Variants in TKFC observed in about 807,000 individuals in gnomAD.
TKFC encodes the protein triokinase and FMN cyclase, also known as triokinase/FMN cyclase.
In TKFC, 46 loss-of-function variants were observed where a neutral mutation model predicts 61.0. That is an observed-to-expected ratio of 0.75 (90% CI 0.60 to 0.96). TKFC has a LOEUF of 0.96. Ranked by LOEUF, TKFC falls within the 50% of genes least tolerant of loss-of-function variation. The pLI, the probability that TKFC is intolerant of heterozygous loss-of-function variation, is 0.00. For synonymous variants in TKFC, 314 were observed against 330.1 expected, an observed-to-expected ratio of 0.95 and a Z score of 0.53; for missense variants, 715 against 777.5, an observed-to-expected ratio of 0.92 and a Z score of 0.96.
At position 61,334,620 on chromosome 11, in the gene TKFC, G is replaced by GTGC. The variant is rs1856525425; in HGVS notation, c.-99_-97dup. On this transcript the variant is annotated splice_region_variant and 5_prime_UTR_variant, in exon 2 of 18. Transcript: ENST00000394900. ...CTTGTATCGTTACCCACTCCTGCAG[G>GTGC]TGCTGCTGCTGCCTCCACTGTACTC... The GTGC allele has an allele frequency of 2.8e-6, 4 of 1,451,856 alleles. No homozygotes were observed. Among genetic ancestry groups the GTGC allele is most frequent in the East Asian group, 2.3e-5 (1 of 43,136 alleles). The allele number at this position is 1,451,856 out of a possible 1,614,324, so 89.9% of individuals were successfully genotyped here.
chr11:61,346,884 A>G lies in TKFC; in HGVS notation c.*381A>G, dbSNP rs1857155044. ...GCACCTTAACCCCAGTGAGCGTGAA[A>G]AAGAAAGTTAATAAACTATAATACA... On this transcript the variant is annotated 3_prime_UTR_variant, in exon 18 of 18. Coordinates refer to ENST00000394900, the MANE Select transcript of TKFC (RefSeq NM_015533.4). The surrounding 1 kb of genome is among the most constrained non-coding windows in gnomAD (Gnocchi z 4.1). 2 of 1,008,032 alleles carry G rather than the reference A, an allele frequency of 2.0e-6. No homozygotes were observed. Among genetic ancestry groups the G allele is most frequent in the Admixed American group, 5.6e-5 (1 of 17,824 alleles). The allele number at this position is 1,008,032 out of a possible 1,614,324, so 62.4% of individuals were successfully genotyped here.
Position 61,348,316 on chromosome 11 carries a change from G to A in TKFC, c.*1813G>A. The A allele has an allele frequency of 1.0e-6, 1 of 976,094 alleles. No individual in the cohort carries two copies. Among genetic ancestry groups the A allele is most frequent in the South Asian group, 4.8e-5 (1 of 20,664 alleles). 60.5% of individuals were successfully genotyped at this position (976,094 alleles called of 1,614,324 possible). A position where few individuals can be genotyped will look rare whatever the true frequency, so the allele number is the denominator to read the frequency against. On this transcript the variant is annotated 3_prime_UTR_variant, in exon 18 of 18. Transcript: ENST00000394900. ...TTAAGGACACGCACATAAATGAGCT[G>A]CATGTGAATCCACACATGCCATTCC... is the stretch of plus-strand genomic sequence containing the variant.
Position 61,344,272 on chromosome 11 carries a change from A to C in TKFC, c.1239A>C (p.Arg413Ser). Residue 413 changes from arginine to serine, a missense_variant and splice_region_variant, in exon 13 of 18, where the codon AGA becomes AGC. By Grantham distance (110) the Arg-to-Ser change is moderately radical. Transcript: ENST00000394900. ...DCGTTHSRAA[R>S]AIQEWLKEGP... ...GCACCACCCACAGCCGTGCGGCCAG[A>C]GGTTGGTGCCAGGGACTTTGCCAAG... 6.2e-7 allele frequency: 1 copy of C among 1,611,724 alleles called. No individual in the cohort carries two copies. Among genetic ancestry groups the C allele is most frequent in the Admixed American group, 1.7e-5 (1 of 59,912 alleles).
chr11:61,342,619 A>T lies in TKFC; in HGVS notation c.736A>T (p.Thr246Ser). Residue 246 changes from threonine (T) to serine (S), a missense_variant, in exon 9 of 18, where the codon ACA becomes TCA. Transcript: ENST00000394900. ...EIVKLMLDHM[T>S]NTTNASHVPV... is the part of the protein sequence containing the mutation. The stretch of plus-strand genomic sequence containing the variant: ...TGTGAAACTCATGCTCGACCACATG[A>T]CAAACACCACCAACGCGTCCCATGT... The T allele has an allele frequency of 6.2e-7, 1 of 1,614,028 alleles. No individual in the cohort carries two copies. Among genetic ancestry groups the T allele is most frequent in the Non-Finnish European group, 8.5e-7 (1 of 1,180,004 alleles).
At chr11:61,334,589 C>A in intron 1 of TKFC, 31 bp from the exon 2 acceptor site, 1 of 1,112,308 alleles carries the variant, frequency 9.0e-7, no homozygotes, top group African/African-American at 1.5e-5. Flanking sequence ...CGAGTTCCTT[C>A]CGCAGCTTGT....
At chr11:61,351,284 C>CTTTTTTTTTTTTT (rs909648792), downstream of TKFC, 2 of 274,492 alleles carry the variant, frequency 7.3e-6, no homozygotes, top group Non-Finnish European at 1.2e-5. Context: ...AACACCCTTT[C>CTTTTTTTTTTTTT]TTTTTTTTTT....
chr11:61,336,046 G>A (rs1856595434), intron 2 of TKFC: 1 of 152,512 alleles, frequency 6.6e-6, no homozygotes, highest in Non-Finnish European at 1.5e-5. Context: ...CACCCGCCTT[G>A]GCCTCCCAAA....
At chr11:61,349,491 C>T (rs1857294165), downstream of TKFC, 1 of 698,132 alleles carries the variant, frequency 1.4e-6, no homozygotes, top group African/African-American at 1.7e-5. Flanking sequence ...AGGAAGTCCA[C>T]AGCCACCTCT....
intron 7 of TKFC, among the ~76,000 whole-genome samples, 183 bp downstream of exon 7, chr11:61,342,095 C>T (rs574467843): frequency 4.6e-5 from 7 of 152,286 alleles, no homozygotes; most frequent in Non-Finnish European, 7.4e-5. Context: ...CTGTCTATAC[C>T]CACAGCTTTG....
rs142193874 is a variant in TKFC at position 61,346,399 on chromosome 11, G to A, written c.1624G>A (p.Gly542Arg). 7.1e-5 allele frequency: 115 copies of A among 1,612,438 alleles called. 1 individual carries two copies. The highest frequency in any genetic ancestry group is 1.3e-4 in the East Asian group (6 of 44,898). Reference protein sequence around the residue: ...EATKNMEAGAGRASYISSARL... With the variant: ...EATKNMEAGARRASYISSARL... ...CACCAAGAATATGGAAGCTGGAGCC[G>A]GAAGAGCCAGTTATATCAGCTCAGC... Residue 542 changes from glycine (G) to arginine (R), a missense_variant, in exon 18 of 18, where the codon GGA (glycine) becomes AGA (arginine). Coordinates refer to ENST00000394900, the MANE Select transcript of TKFC (RefSeq NM_015533.4). This position sits in a 1 kb window ranked among gnomAD's most constrained non-coding sequence, Gnocchi z 4.1.
rs113606646 is a variant in TKFC, at chr11:61,345,457, C to G, written c.1348-5C>G. 2.5e-6 allele frequency: 4 copies of G among 1,612,490 alleles called. No homozygotes were observed. Among genetic ancestry groups the G allele is most frequent in the Non-Finnish European group, 2.5e-6 (3 of 1,179,326 alleles). ...CCACATGCTCAGCGTTGTCATCTTC[C>G]CCAGCTCTATGGCCTGTTCCTGACT... On this transcript the variant is annotated splice_polypyrimidine_tract_variant and splice_region_variant and intron_variant, in intron 14 of 17. Coordinates refer to ENST00000394900, the MANE Select transcript of TKFC (RefSeq NM_015533.4).
At position 61,346,973 on chromosome 11, in the gene TKFC, C is replaced by A; in HGVS notation, c.*470C>A. ...TTCCCAAGCATGTAAACAAGGGGGCCCACAGCCCTGGCTGCAGGCATCATG... is the reference window on the plus strand; with the variant it reads ...TTCCCAAGCATGTAAACAAGGGGGCACACAGCCCTGGCTGCAGGCATCATG... On this transcript the variant is annotated 3_prime_UTR_variant, in exon 18 of 18. Transcript: ENST00000394900. This position sits in a 1 kb window ranked among gnomAD's most constrained non-coding sequence, Gnocchi z 4.1. 1 of 987,398 alleles carries A rather than the reference C, an allele frequency of 1.0e-6. No homozygotes were observed. The highest frequency in any genetic ancestry group is 1.2e-6 in the Non-Finnish European group (1 of 831,196). The allele number at this position is 987,398 out of a possible 1,614,324, so 61.2% of individuals were successfully genotyped here. A position where few individuals can be genotyped will look rare whatever the true frequency, so the allele number is the denominator to read the frequency against.
chr11:61,335,259 C>T (rs1856558730), intron 2 of TKFC: 1 of 156,148 alleles, frequency 6.4e-6, no homozygotes, highest in Non-Finnish European at 1.4e-5. Flanking sequence ...TTTTACAGAC[C>T]TCTCTGCGCC....
chr11:61,346,332 C>A lies in TKFC; in HGVS notation c.1576-19C>A. The A allele has an allele frequency of 6.2e-7, 1 of 1,611,716 alleles. No homozygotes were observed. The highest frequency in any genetic ancestry group is 1.1e-5 in the South Asian group (1 of 91,048). On this transcript the variant is annotated intron_variant, in intron 17 of 17. Coordinates refer to ENST00000394900, the MANE Select transcript of TKFC (RefSeq NM_015533.4). The surrounding 1 kb of genome is among the most constrained non-coding windows in gnomAD (Gnocchi z 4.1). ...CTGGTGATCTGCCCTTGAACCTGCT[C>A]CCACACCCCATCCCCCAGAGTGCCG...
chr11:61,343,915 A>C lies in TKFC; in HGVS notation c.1042A>C (p.Lys348Gln), dbSNP rs771622787. The C allele has an allele frequency of 1.4e-5, 23 of 1,611,166 alleles. No homozygotes were observed. The highest frequency in any genetic ancestry group is 2.2e-5 in the South Asian group (2 of 91,088). Residue 348 changes from lysine to glutamine, a missense_variant, in exon 12 of 18, where the codon AAG becomes CAG. Physicochemically the swap from Lys to Gln is moderately conservative, Grantham distance 53 (BLOSUM62 1). Coordinates refer to ENST00000394900, the MANE Select transcript of TKFC (RefSeq NM_015533.4). The stretch of plus-strand genomic sequence containing the variant: ...GGCTGCAGTCTCCATTACTGGGCGG[A>C]AGCGGAGCCGGGTAGCCCCTGCCGA... ...NVAAVSITGRKRSRVAPAEPQ... is the reference protein window; with the variant it reads ...NVAAVSITGRQRSRVAPAEPQ...
chr11:61,339,022 G>A (rs746801038), intron 3 of TKFC, 44 bp from the exon 4 acceptor site: 143 of 1,562,156 alleles, frequency 9.2e-5, no homozygotes, highest in Middle Eastern at 4.2e-4. Context: ...GACTACAGGC[G>A]CGAGTCCCAC....
chr11:61,349,438 C>T, downstream of TKFC: 1 of 663,634 alleles, frequency 1.5e-6, no homozygotes, highest in Non-Finnish European at 2.8e-6. Context: ...CCAGACCTGC[C>T]CAGCGGGAGG....
rs372532354 is a variant in TKFC at position 61,334,790 on chromosome 11, C to T, written c.3+59C>T. Reference sequence around the variant, plus strand: ...CATGGTCTCAAAGCAGGATCCCAGCCTTGGGCAAGCTAAAGCTCCTTACAC... The same window carrying T: ...CATGGTCTCAAAGCAGGATCCCAGCTTTGGGCAAGCTAAAGCTCCTTACAC... On this transcript the variant is annotated intron_variant, in intron 2 of 17. Transcript: ENST00000394900. 74 of 1,612,720 alleles carry T rather than the reference C, an allele frequency of 4.6e-5. No individual in the cohort carries two copies. In the Admixed American group the frequency reaches 1.1e-3, roughly 23 times the overall value.
At position 61,339,103 on chromosome 11, in the gene TKFC, G is replaced by A. The variant is rs762359509; in HGVS notation, c.231G>A (p.Ala77=). 38 of 1,613,574 alleles carry A rather than the reference G, an allele frequency of 2.4e-5. No homozygotes were observed. Among genetic ancestry groups the A allele is most frequent in the Middle Eastern group, 1.7e-4 (1 of 5,958 alleles). Residue 77 remains alanine, a synonymous_variant, in exon 4 of 18, where the codon GCG becomes GCA. Coordinates refer to ENST00000394900, the MANE Select transcript of TKFC (RefSeq NM_015533.4). ...IGKGMLTGVI[A]GAVFTSPAVG... ...AGGGGATGCTGACTGGGGTCATCGC[G>A]GGAGCTGTGTTCACCTCCCCGGCAG...
Sources: allele counts gnomAD v4.1 joint callset (sites outside exome capture counted in the v4.1 genomes callset), GRCh38; gene constraint gnomAD v4.1.1; non-coding constraint Gnocchi (gnomAD v3.1); transcripts MANE v1.5; gene names NCBI Gene and HGNC (gene_info 2026-07-23, HGNC 2026-07-21).